IL1RAPL1: variants seen among roughly 807,000 people sequenced by gnomAD.
The protein encoded by IL1RAPL1 is interleukin-1 receptor accessory protein-like 1.
A neutral mutation model predicts 48.4 loss-of-function variants in IL1RAPL1; 3 were observed. The observed-to-expected ratio is 0.06, with a 90% CI of 0.03 to 0.16. IL1RAPL1 has a LOEUF of 0.16. IL1RAPL1 is among the 10% of genes least tolerant of loss of function. The pLI is 1.00. For synonymous variants in IL1RAPL1, 185 were observed against 187.7 expected (o/e 0.99, Z 0.12); for missense variants, 349 against 530.6 (o/e 0.66, Z 3.36).
intron 2 of IL1RAPL1, among the ~76,000 whole-genome samples, chrX:28,885,261 C>T (rs189735627): frequency 4.5e-5 from 5 of 111,177 alleles, no homozygotes; most frequent in East Asian, 5.7e-4. Context: ...AACTCAAAGA[C>T]GATGAAAGGC....
intron 5 of IL1RAPL1, among the ~76,000 whole-genome samples, chrX:29,556,606 C>T (rs1257549473): frequency 9.4e-6 from 1 of 106,670 alleles, no homozygotes; most frequent in East Asian, 2.9e-4. Context: ...TGAGATCGTG[C>T]CACTGCACTC....
intron 5 of IL1RAPL1, among the ~76,000 whole-genome samples, chrX:29,568,474 C>CT (rs1394917466): frequency 1.8e-5 from 2 of 110,263 alleles, no homozygotes; most frequent in Non-Finnish European, 3.8e-5. Flanking sequence ...TACACAGGAG[C>CT]TTTTTGAGAA....
At chrX:29,366,375 T>G (rs182723592) in intron 3 of IL1RAPL1, among the ~76,000 whole-genome samples, 21 of 110,252 alleles carry the variant, frequency 1.9e-4, no homozygotes, top group African/African-American at 6.9e-4. Context: ...CATCAAATAT[T>G]AAAGGTTCTG....
intron 1 of IL1RAPL1, among the ~76,000 whole-genome samples, chrX:28,740,920 G>A (rs749768415): frequency 8.1e-5 from 9 of 111,689 alleles, no homozygotes; most frequent in South Asian, 7.5e-4. Context: ...TTGATTCCAC[G>A]TCTTTGCTAT....
intron 3 of IL1RAPL1, among the ~76,000 whole-genome samples, chrX:29,299,329 T>C (rs939507375): frequency 9.0e-6 from 1 of 111,713 alleles, no homozygotes; most frequent in Non-Finnish European, 1.9e-5. Flanking sequence ...TTCTTTCATA[T>C]TTGATGTGCA....
At chrX:29,842,446 CAT>C (rs1476926879) in intron 6 of IL1RAPL1, among the ~76,000 whole-genome samples, 1 of 112,194 alleles carries the variant, frequency 8.9e-6, no homozygotes. Context: ...CAAAACATTT[CAT>C]TCAGTGAGAT....
Position 29,460,954 on chromosome X carries a change from CT to C in IL1RAPL1, c.703+61655del, listed in dbSNP as rs760446366. Among the ~76,000 whole-genome samples the C allele has an allele frequency of 1.9e-4, 21 of 110,485 alleles. No individual in the cohort carries two copies. In the East Asian group the frequency reaches 3.1e-3, roughly 16 times the overall value. The stretch of plus-strand genomic sequence containing the variant: ...TGTTAAACTTTATCAAAATTAAACA[CT>C]TTTTTTTTCTTCAAGAGATATTATT... On this transcript the variant is annotated intron_variant, in intron 5 of 10. Transcript: ENST00000378993.
intron 5 of IL1RAPL1, among the ~76,000 whole-genome samples, chrX:29,498,692 G>A (rs993842785): frequency 1.3e-4 from 14 of 110,407 alleles, no homozygotes; most frequent in Admixed American, 8.7e-4. Flanking sequence ...TAAATAACCC[G>A]TTATTTTATA....
chrX:29,466,982 A>G (rs1225811723), intron 5 of IL1RAPL1, among the ~76,000 whole-genome samples: 1 of 110,834 alleles, frequency 9.0e-6, no homozygotes, highest in Non-Finnish European at 1.9e-5. Context: ...CCCCAAACCT[A>G]CTGACTTAGA....
intron 2 of IL1RAPL1, among the ~76,000 whole-genome samples, chrX:28,852,831 T>G (rs1921698337): frequency 9.0e-6 from 1 of 110,837 alleles, no homozygotes; most frequent in African/African-American, 3.3e-5. Context: ...CCTTCAGATA[T>G]TTGCTGTATG....
At chrX:29,787,912 T>G (rs1929538663) in intron 6 of IL1RAPL1, among the ~76,000 whole-genome samples, 1 of 112,066 alleles carries the variant, frequency 8.9e-6, no homozygotes, top group Admixed American at 9.5e-5. Context: ...TACAAACTGT[T>G]TAGAAAGTTT....
chrX:29,454,784 G>T (rs1005044287), intron 5 of IL1RAPL1, among the ~76,000 whole-genome samples: 1 of 109,480 alleles, frequency 9.1e-6, no homozygotes, highest in African/African-American at 3.3e-5. Context: ...GAGAATACAT[G>T]AAGCTCGCCT....
intron 5 of IL1RAPL1, among the ~76,000 whole-genome samples, chrX:29,431,002 T>C (rs758955538): frequency 9.0e-6 from 1 of 111,524 alleles, no homozygotes; most frequent in Non-Finnish European, 1.9e-5. Context: ...TGTTTGTAAC[T>C]ATCTGACAGA....
intron 6 of IL1RAPL1, among the ~76,000 whole-genome samples, chrX:29,775,151 G>C (rs1929162822): frequency 9.0e-6 from 1 of 111,565 alleles, no homozygotes; most frequent in South Asian, 3.8e-4. Flanking sequence ...ATGAGCTTGA[G>C]AGAGTCGTTA....
intron 6 of IL1RAPL1, among the ~76,000 whole-genome samples, chrX:29,831,910 T>A (rs1930887442): frequency 1.8e-5 from 2 of 111,920 alleles, no homozygotes; most frequent in South Asian, 7.4e-4. Flanking sequence ...AATAACCTCT[T>A]ATGTATTTAT....
intron 6 of IL1RAPL1, among the ~76,000 whole-genome samples, chrX:29,715,769 G>GA (rs1228503919): frequency 1.8e-5 from 2 of 111,719 alleles, no homozygotes; most frequent in Non-Finnish European, 3.8e-5. Context: ...TATACCTGTG[G>GA]ATCTATGGTT....
chrX:29,912,278 T>G (rs1932763428), intron 6 of IL1RAPL1, among the ~76,000 whole-genome samples: 1 of 111,651 alleles, frequency 9.0e-6, no homozygotes, highest in African/African-American at 3.3e-5. Flanking sequence ...CATGTAGACA[T>G]GTAGCCTTTA....
At chrX:29,076,380 A>G (rs1041944106) in intron 2 of IL1RAPL1, among the ~76,000 whole-genome samples, 34 of 112,241 alleles carry the variant, frequency 3.0e-4, no homozygotes, top group African/African-American at 1.1e-3. Flanking sequence ...CCAAACAGTC[A>G]TTATTACTGT....
chrX:29,695,894 A>G (rs746674712), intron 6 of IL1RAPL1, among the ~76,000 whole-genome samples: 7 of 111,577 alleles, frequency 6.3e-5, no homozygotes, highest in Non-Finnish European at 1.1e-4. Context: ...TTGCTAAATC[A>G]TGACCACACT....
Sources: gnomAD v4.1 joint callset for allele counts (sites outside exome capture counted in the v4.1 genomes callset) on GRCh38, gnomAD v4.1.1 for gene constraint, MANE v1.5 for transcripts, NCBI Gene and HGNC (gene_info 2026-07-23, HGNC 2026-07-21) for gene names.